NFIB: variants seen among roughly 807,000 people sequenced by gnomAD.
NFIB encodes nuclear factor I B, also known as nuclear factor 1 B-type.
Under a neutral mutation model 61.5 loss-of-function variants are expected in NFIB, and 11 were observed. The observed-to-expected ratio is 0.18, with a 90% CI of 0.11 to 0.30. The LOEUF is 0.30. NFIB is among the 10% of genes least tolerant of loss of function. The pLI is 1.00. For missense variants in NFIB, 471 were observed against 608.9 expected (o/e 0.77, Z 2.38); for synonymous variants, 260 against 216.5 (o/e 1.20, Z -1.76).
At chr9:14,353,524 C>T (rs141459219) in intron 1 of NFIB, among the ~76,000 whole-genome samples, 1 of 152,026 alleles carries the variant, frequency 6.6e-6, no homozygotes, top group Non-Finnish European at 1.5e-5. Context: ...GGCTTTAAGG[C>T]GAATGAAGGG....
chr9:14,243,407 G>T (rs1432866284), intron 2 of NFIB, among the ~76,000 whole-genome samples: 2 of 152,160 alleles, frequency 1.3e-5, no homozygotes, highest in African/African-American at 4.8e-5. Context: ...ATAAGTAAGA[G>T]AAATAAATCA....
chr9:14,387,459 G>A (rs1317148503), intron 1 of NFIB, among the ~76,000 whole-genome samples: 2 of 152,072 alleles, frequency 1.3e-5, no homozygotes, highest in Admixed American at 1.3e-4. Context: ...TATTTGCAAT[G>A]CATATAACCT....
chr9:14,418,445 C>T, the NFIB span, among the ~76,000 whole-genome samples: 1 of 152,176 alleles, frequency 6.6e-6, no homozygotes, highest in East Asian at 1.9e-4. Flanking sequence ...CCCATCTCTC[C>T]AGGAGTCTCG....
chr9:14,265,334 T>C (rs1375897040), intron 2 of NFIB, among the ~76,000 whole-genome samples: 1 of 152,142 alleles, frequency 6.6e-6, no homozygotes, highest in African/African-American at 2.4e-5. Flanking sequence ...GCCTTCATAT[T>C]TGGAGATAAA....
intron 1 of NFIB, among the ~76,000 whole-genome samples, chr9:14,381,820 G>A (rs951117336): frequency 1.3e-5 from 2 of 152,338 alleles, no homozygotes; most frequent in Non-Finnish European, 2.9e-5. Flanking sequence ...TACCAGAACC[G>A]TGCCTTGCAC....
chr9:14,433,743 C>T, the NFIB span, among the ~76,000 whole-genome samples: 1 of 152,174 alleles, frequency 6.6e-6, no homozygotes, highest in African/African-American at 2.4e-5. Context: ...ATAAAAAACC[C>T]CACACACAAC....
At chr9:14,369,478 A>T (rs1237357722) in intron 1 of NFIB, among the ~76,000 whole-genome samples, 1 of 152,078 alleles carries the variant, frequency 6.6e-6, no homozygotes, top group Non-Finnish European at 1.5e-5. Context: ...CATGTTGTTG[A>T]TGCCTTCTGG....
chr9:14,253,122 C>T (rs1177748204), intron 2 of NFIB, among the ~76,000 whole-genome samples: 1 of 152,204 alleles, frequency 6.6e-6, no homozygotes, highest in East Asian at 1.9e-4. Context: ...CCAATGTTAT[C>T]ATGTTTTTCA....
chr9:14,286,302 A>G (rs56786790), intron 2 of NFIB, among the ~76,000 whole-genome samples: 4,847 of 152,278 alleles, frequency 0.032, 244 homozygotes, highest in African/African-American at 0.11. Flanking sequence ...TCAGAACCCA[A>G]TGCAATTGCT....
At chr9:14,388,735 A>G (rs1295384890) in intron 1 of NFIB, among the ~76,000 whole-genome samples, 1 of 152,210 alleles carries the variant, frequency 6.6e-6, no homozygotes, top group Non-Finnish European at 1.5e-5. Context: ...AAGTCTAAGG[A>G]TATCTGTGAC....
chr9:14,486,472 G>C, the NFIB span, among the ~76,000 whole-genome samples: 2 of 152,180 alleles, frequency 1.3e-5, no homozygotes, highest in South Asian at 4.1e-4. Flanking sequence ...GTGAAGTAAG[G>C]AGGAAAATAT....
intron 2 of NFIB, among the ~76,000 whole-genome samples, chr9:14,263,073 G>C (rs557178845): frequency 2.0e-5 from 3 of 152,126 alleles, no homozygotes; most frequent in African/African-American, 7.2e-5. Context: ...CACATATCCT[G>C]CCATATTGTT....
the NFIB span, among the ~76,000 whole-genome samples, chr9:14,494,673 C>T: frequency 6.6e-6 from 1 of 152,216 alleles, no homozygotes; most frequent in East Asian, 1.9e-4. Context: ...GCTCAGCATG[C>T]CCACTCCTTC....
intron 1 of NFIB, among the ~76,000 whole-genome samples, chr9:14,336,108 A>T (rs548475776): frequency 6.6e-6 from 1 of 152,292 alleles, no homozygotes; most frequent in East Asian, 1.9e-4. Flanking sequence ...AGGTAGTGTT[A>T]GTTCTCCAGA....
intron 1 of NFIB, among the ~76,000 whole-genome samples, chr9:14,333,964 T>A (rs28404570): frequency 2.0e-5 from 3 of 152,254 alleles, no homozygotes; most frequent in Non-Finnish European, 4.4e-5. Flanking sequence ...AGAAAAAGCA[T>A]ACAATATTTA....
At chr9:14,192,177 T>C (rs1426806600) in intron 2 of NFIB, among the ~76,000 whole-genome samples, 1 of 152,222 alleles carries the variant, frequency 6.6e-6, no homozygotes, top group African/African-American at 2.4e-5. Context: ...AAATTCTTCT[T>C]GACATTTAAA....
chr9:14,506,162 T>G, the NFIB span, among the ~76,000 whole-genome samples: 1 of 152,212 alleles, frequency 6.6e-6, no homozygotes, highest in Non-Finnish European at 1.5e-5. Context: ...TTTTACATCC[T>G]ACAAAGTATG....
rs936531312 is a variant in NFIB at position 14,374,647 on chromosome 9, C to T, written c.108+23877G>A. On this transcript the variant is annotated intron_variant, in intron 1 of 8. Coordinates refer to the NFIB transcript ENST00000380934. Reference sequence around the variant, plus strand: ...AAACAAAGCCAGGCACAGAGGCTCACGCCTGTAGTCCCAGCACTTTGTGAG... The same window carrying T: ...AAACAAAGCCAGGCACAGAGGCTCATGCCTGTAGTCCCAGCACTTTGTGAG... Among the ~76,000 whole-genome samples the T allele has an allele frequency of 3.3e-5, 5 of 152,198 alleles. No homozygotes were observed. The East Asian group carries it at 5.8e-4, about 18-fold the overall frequency.
chr9:14,121,877 A>C (rs1008160557), intron 7 of NFIB, among the ~76,000 whole-genome samples: 1 of 152,148 alleles, frequency 6.6e-6, no homozygotes, highest in Non-Finnish European at 1.5e-5. Context: ...TCAGTTTTTG[A>C]AATATAAATC....
Sources: gnomAD v4.1 joint callset for allele counts (sites outside exome capture counted in the v4.1 genomes callset) on GRCh38, gnomAD v4.1.1 for gene constraint, MANE v1.5 for transcripts, NCBI Gene and HGNC (gene_info 2026-07-23, HGNC 2026-07-21) for gene names.